Variants in TMEM114 observed in about 807,000 individuals in gnomAD.
TMEM114 encodes the protein transmembrane protein 114, also known as claudin-26.
TMEM114 carries 6 observed loss-of-function variants against 6.2 expected under a neutral mutation model. The observed-to-expected ratio is 0.97, with a 90% CI of 0.53 to 1.91. The LOEUF is 1.91. Ranked by LOEUF, TMEM114 falls within the 40% of genes most tolerant of loss-of-function variation. TMEM114 has a pLI of 0.01. For missense variants in TMEM114, 218 were observed against 158.3 expected, an observed-to-expected ratio of 1.38 and a Z score of -2.02; for synonymous variants, 104 against 73.0, an observed-to-expected ratio of 1.42 and a Z score of -2.16.
At chr16:8,537,843 G>C (rs1392841410) in intron 2 of TMEM114, 1 of 152,056 alleles carries the variant, frequency 6.6e-6, no homozygotes, top group Non-Finnish European at 1.5e-5. Flanking sequence ...AAAAGAACAA[G>C]AAAGCTTATT....
chr16:8,564,476 A>T (rs1404497580), intron 2 of TMEM114, among the ~76,000 whole-genome samples: 3 of 144,186 alleles, frequency 2.1e-5, no homozygotes, highest in Non-Finnish European at 4.5e-5. Flanking sequence ...TGAGGGAGGG[A>T]CGGAGGGAAT....
intron 2 of TMEM114, among the ~76,000 whole-genome samples, chr16:8,581,376 A>G (rs1902142742): frequency 6.6e-6 from 1 of 152,210 alleles, no homozygotes; most frequent in Non-Finnish European, 1.5e-5. Flanking sequence ...CAGTGAGGCT[A>G]TACAGACCTT....
At chr16:8,552,706 GAA>G (rs113312584) in intron 2 of TMEM114, among the ~76,000 whole-genome samples, 105 of 137,908 alleles carry the variant, frequency 7.6e-4, no homozygotes, top group African/African-American at 2.5e-3. Context: ...AAATAAATAG[GAA>G]AAAAAAAAAA....
intron 1 of TMEM114, 59 bp downstream of exon 1, chr16:8,589,560 A>T (rs1395156416): frequency 2.5e-6 from 1 of 398,510 alleles, no homozygotes; most frequent in Non-Finnish European, 4.4e-6. Flanking sequence ...CCAAGGGAGC[A>T]GGGCACCGCG....
intron 2 of TMEM114, among the ~76,000 whole-genome samples, chr16:8,548,569 C>A (rs1175805164): frequency 6.6e-6 from 1 of 152,054 alleles, no homozygotes; most frequent in Non-Finnish European, 1.5e-5. Context: ...TGCAGGGCCA[C>A]GAACCATTGT....
chr16:8,553,623 C>T (rs927063577), intron 2 of TMEM114, among the ~76,000 whole-genome samples: 4 of 152,018 alleles, frequency 2.6e-5, no homozygotes, highest in Admixed American at 1.3e-4. Flanking sequence ...GTAGCTGGGA[C>T]TGCCGGCGCC....
downstream of TMEM114, among the ~76,000 whole-genome samples, chr16:8,565,747 C>A (rs78501725): frequency 0.09 from 13,698 of 152,244 alleles, 742 homozygotes; most frequent in Middle Eastern, 0.19. Context: ...GTTCTTACCT[C>A]CCCTGCACAG....
At chr16:8,531,728 G>C in the TMEM114 span, among the ~76,000 whole-genome samples, 1 of 152,200 alleles carries the variant, frequency 6.6e-6, no homozygotes, top group Admixed American at 6.5e-5. Flanking sequence ...GGGACACTCA[G>C]TTGAATAGTC....
chr16:8,534,023 G>A (rs551724811), downstream of TMEM114, among the ~76,000 whole-genome samples: 8 of 152,280 alleles, frequency 5.3e-5, no homozygotes, highest in South Asian at 8.3e-4. Flanking sequence ...AATGGCTCTC[G>A]TTTTGAGATT....
intron 2 of TMEM114, among the ~76,000 whole-genome samples, chr16:8,562,494 G>A (rs1187080370): frequency 6.6e-6 from 1 of 150,990 alleles, no homozygotes; most frequent in Non-Finnish European, 1.5e-5. Context: ...ATGAGTATGT[G>A]AATGAGTAAA....
intron 2 of TMEM114, among the ~76,000 whole-genome samples, chr16:8,579,284 G>C (rs1481958289): frequency 2.0e-5 from 3 of 152,100 alleles, no homozygotes; most frequent in Non-Finnish European, 4.4e-5. Flanking sequence ...TCTTACCCCA[G>C]GAACATCAAA....
chr16:8,534,007 C>T (rs552647294), downstream of TMEM114, among the ~76,000 whole-genome samples: 5 of 152,302 alleles, frequency 3.3e-5, no homozygotes, highest in African/African-American at 1.2e-4. Context: ...CTTTGTGAAG[C>T]CTGAAAATGG....
intron 2 of TMEM114, among the ~76,000 whole-genome samples, chr16:8,550,088 C>T (rs1340991481): frequency 6.6e-6 from 1 of 152,210 alleles, no homozygotes; most frequent in Non-Finnish European, 1.5e-5. Context: ...GGGCAGGAAG[C>T]ATCCATCATG....
At chr16:8,569,300 T>C (rs1901641416), downstream of TMEM114, among the ~76,000 whole-genome samples, 1 of 152,138 alleles carries the variant, frequency 6.6e-6, no homozygotes, top group South Asian at 2.1e-4. Flanking sequence ...AGAAAGCCCA[T>C]GTCATGCCAG....
At chr16:8,580,286 A>G (rs1312738870) in intron 2 of TMEM114, among the ~76,000 whole-genome samples, 2 of 152,194 alleles carry the variant, frequency 1.3e-5, no homozygotes, top group Admixed American at 6.5e-5. Flanking sequence ...CAGGAGTTTG[A>G]GATCAGCGTG....
At chr16:8,538,211 A>G (rs1900417651) in intron 2 of TMEM114, among the ~76,000 whole-genome samples, 1 of 151,388 alleles carries the variant, frequency 6.6e-6, no homozygotes, top group African/African-American at 2.4e-5. Context: ...AGGCTGAAGT[A>G]GGAGGATCAC....
rs570834720 is a variant in TMEM114, at chr16:8,539,177, T to C, written n.213-1351A>G. Among the ~76,000 whole-genome samples the C allele has an allele frequency of 9.2e-5, 14 of 152,302 alleles. No individual in the cohort carries two copies. The East Asian group carries it at 2.7e-3, about 29-fold the overall frequency. ...GTGACCCATATGAATAACGTCTGCC[T>C]GGTGTGCGGTGCTGAATAAACGTTT... On this transcript the variant is annotated intron_variant and non_coding_transcript_variant, in intron 2 of 2. Transcript: ENST00000623677.
chr16:8,588,674 T>C (rs1037079554), intron 2 of TMEM114, among the ~76,000 whole-genome samples: 3 of 152,216 alleles, frequency 2.0e-5, no homozygotes, highest in East Asian at 3.9e-4. Flanking sequence ...GAGGGGCTGT[T>C]CCCACCTCCT....
At chr16:8,585,867 C>A (rs1418841036) in intron 2 of TMEM114, among the ~76,000 whole-genome samples, 1 of 152,170 alleles carries the variant, frequency 6.6e-6, no homozygotes, top group Non-Finnish European at 1.5e-5. Flanking sequence ...GGAACTGAGG[C>A]TCAGAGAGGT....
Sources: allele counts gnomAD v4.1 joint callset (sites outside exome capture counted in the v4.1 genomes callset), GRCh38; gene constraint gnomAD v4.1.1; transcripts MANE v1.5; gene names NCBI Gene and HGNC (gene_info 2026-07-23, HGNC 2026-07-21).